Variants in CDKAL1 observed in about 807,000 individuals in gnomAD.
The protein encoded by CDKAL1 is threonylcarbamoyladenosine tRNA methylthiotransferase.
In CDKAL1, 32 loss-of-function variants were observed where a neutral mutation model predicts 68.2. The ratio of observed to expected loss-of-function variants is 0.47; its 90% CI spans 0.35 to 0.63. The LOEUF (loss-of-function observed/expected upper bound fraction) is 0.63. Ranked by LOEUF, CDKAL1 falls within the 30% of genes least tolerant of loss-of-function variation. The pLI, the probability that CDKAL1 is intolerant of heterozygous loss-of-function variation, is 0.00. For missense variants in CDKAL1, 606 were observed against 696.7 expected (o/e 0.87, Z 1.47); for synonymous variants, 234 against 244.3 (o/e 0.96, Z 0.39).
intron 11 of CDKAL1, among the ~76,000 whole-genome samples, chr6:21,022,340 T>G (rs1668016252): frequency 6.6e-6 from 1 of 152,230 alleles, no homozygotes; most frequent in African/African-American, 2.4e-5. Flanking sequence ...GAGTTAACTT[T>G]GAGCATTATT....
In CDKAL1 at chr6:20,583,061, A is replaced by AT. The variant is rs1019728873; in HGVS notation, c.286+34364dup. On this transcript the variant is annotated intron_variant, in intron 4 of 15. Transcript: ENST00000274695. ...AAAACAATTTCCTATTTTCTGAGGG[A>AT]TTTTTTTTGGGAAAAGTAAACTTTG... 5.9e-5 allele frequency among the ~76,000 whole-genome samples: 9 copies of AT among 151,912 alleles called. No homozygotes were observed. The East Asian group carries it at 7.7e-4, about 13-fold the overall frequency.
In CDKAL1 at chr6:20,917,202, A is replaced by G. The variant is rs527955439; in HGVS notation, c.743-38217A>G. Reference sequence around the variant, plus strand: ...CACCATGTTGGCCAGGCTGATCTTGAACTCCTGACCTCAGGTGATCCGCCC... The same window carrying G: ...CACCATGTTGGCCAGGCTGATCTTGGACTCCTGACCTCAGGTGATCCGCCC... On this transcript the variant is annotated intron_variant, in intron 9 of 15. Transcript: ENST00000274695. 4.2e-3 allele frequency among the ~76,000 whole-genome samples: 638 copies of G among 152,182 alleles called. 5 individuals carry two copies. The highest frequency in any genetic ancestry group is 0.015 in the African/African-American group (607 of 41,512).
intron 4 of CDKAL1, among the ~76,000 whole-genome samples, chr6:20,648,461 ACT>A (rs35746011): frequency 0.22 from 33,724 of 151,510 alleles, 4,024 homozygotes; most frequent in African/African-American, 0.27. Context: ...GTTACCAGAA[ACT>A]CTGATGTGCT....
chr6:20,720,747 A>G (rs1289999330), intron 5 of CDKAL1, among the ~76,000 whole-genome samples: 1 of 151,934 alleles, frequency 6.6e-6, no homozygotes, highest in African/African-American at 2.4e-5. Flanking sequence ...TGATCTGCCC[A>G]CCTCTGCCTC....
At chr6:20,931,439 C>T (rs923214404) in intron 9 of CDKAL1, among the ~76,000 whole-genome samples, 1 of 152,108 alleles carries the variant, frequency 6.6e-6, no homozygotes, top group African/African-American at 2.4e-5. Flanking sequence ...TGGTAAGAGG[C>T]AGAGTCAGGG....
At chr6:20,997,859 G>A (rs1767202698) in intron 10 of CDKAL1, among the ~76,000 whole-genome samples, 1 of 151,582 alleles carries the variant, frequency 6.6e-6, no homozygotes, top group Admixed American at 6.6e-5. Context: ...ATAAAATTGT[G>A]ATACAGGGAA....
chr6:20,670,227 G>A (rs1281626813), intron 5 of CDKAL1, among the ~76,000 whole-genome samples: 1 of 152,130 alleles, frequency 6.6e-6, no homozygotes, highest in Non-Finnish European at 1.5e-5. Flanking sequence ...TCCTTTTTGT[G>A]AAGTTCACTT....
chr6:20,983,773 C>T (rs1234549924), intron 10 of CDKAL1, among the ~76,000 whole-genome samples: 2 of 152,112 alleles, frequency 1.3e-5, no homozygotes, highest in East Asian at 1.9e-4. Flanking sequence ...GTATAATATA[C>T]ATAATACCTA....
intron 11 of CDKAL1, among the ~76,000 whole-genome samples, chr6:21,045,486 G>A (rs776564190): frequency 1.3e-5 from 2 of 152,094 alleles, no homozygotes; most frequent in African/African-American, 4.8e-5. Flanking sequence ...TTCTACTCCC[G>A]TGGGCACCTG....
At position 21,085,624 on chromosome 6, in the gene CDKAL1, G is replaced by A. The variant is rs565701546; in HGVS notation, c.1236+20396G>A. ...TATGAGATGTTTTTAGAAAGTGATC[G>A]CAGTACAGTTGTAAAATCCAGGGTT... On this transcript the variant is annotated intron_variant, in intron 12 of 15. Transcript: ENST00000274695. Among the ~76,000 whole-genome samples the A allele has an allele frequency of 9.9e-5, 15 of 152,254 alleles. No homozygotes were observed. In the South Asian group the frequency reaches 1.0e-3, roughly 11 times the overall value.
intron 12 of CDKAL1, among the ~76,000 whole-genome samples, chr6:21,079,511 C>T (rs1772262526): frequency 6.6e-6 from 1 of 152,116 alleles, no homozygotes; most frequent in Admixed American, 6.5e-5. Context: ...ATTCCAAGTC[C>T]CAGACTTAGT....
At chr6:20,822,487 C>T (rs921433657) in intron 8 of CDKAL1, among the ~76,000 whole-genome samples, 1 of 152,140 alleles carries the variant, frequency 6.6e-6, no homozygotes, top group Non-Finnish European at 1.5e-5. Context: ...GATAACAGTT[C>T]TTGAATCACA....
At chr6:20,962,838 T>C (rs2150739971) in intron 10 of CDKAL1, among the ~76,000 whole-genome samples, 1 of 152,314 alleles carries the variant, frequency 6.6e-6, no homozygotes, top group Non-Finnish European at 1.5e-5. Flanking sequence ...ACCATCCACC[T>C]GTAGCTTTTG....
intron 11 of CDKAL1, among the ~76,000 whole-genome samples, chr6:21,032,821 C>T (rs2150881033): frequency 6.6e-6 from 1 of 152,262 alleles, no homozygotes; most frequent in South Asian, 2.1e-4. Flanking sequence ...AGCAAAATCA[C>T]CTAATGACAC....
At chr6:21,113,485 A>T (rs1756549682) in intron 13 of CDKAL1, among the ~76,000 whole-genome samples, 2 of 151,928 alleles carry the variant, frequency 1.3e-5, no homozygotes, top group Admixed American at 1.3e-4. Flanking sequence ...ATCTCTACAA[A>T]AAAACGGGGT....
At chr6:20,857,923 G>A (rs769179669) in intron 9 of CDKAL1, among the ~76,000 whole-genome samples, 3 of 152,090 alleles carry the variant, frequency 2.0e-5, no homozygotes, top group East Asian at 1.9e-4. Context: ...GCAGTGGCGC[G>A]ATCTTGGCTC....
In CDKAL1 at chr6:20,992,031, C is replaced by CTTTTTTTTTTTTTTTTTT. The variant is rs71530401; in HGVS notation, c.910-8191_910-8174dup. On this transcript the variant is annotated intron_variant, in intron 10 of 15. Transcript: ENST00000274695. Reference sequence around the variant, plus strand: ...TTTCCCCCACCTTTTTTTTTCTTTTCTTTTTTTTTTTTTTTTTTTTTTGAG... The same window carrying CTTTTTTTTTTTTTTTTTT: ...TTTCCCCCACCTTTTTTTTTCTTTTCTTTTTTTTTTTTTTTTTTTTTTTTTTTTTTTTTTTTTTTTGAG... Among the ~76,000 whole-genome samples the CTTTTTTTTTTTTTTTTTT allele has an allele frequency of 2.2e-3, 225 of 100,456 alleles. 2 individuals carry two copies. The highest frequency in any genetic ancestry group is 2.9e-3 in the Non-Finnish European group (153 of 52,988). 65.9% of individuals were successfully genotyped at this position (100,456 alleles called of 152,430 possible).
At chr6:20,934,370 A>G (rs1324803724) in intron 9 of CDKAL1, among the ~76,000 whole-genome samples, 6 of 152,180 alleles carry the variant, frequency 3.9e-5, no homozygotes, top group African/African-American at 1.4e-4. Context: ...GGTGCCCAGC[A>G]CCTGGAGCTC....
intron 5 of CDKAL1, among the ~76,000 whole-genome samples, chr6:20,724,884 T>C (rs1184819544): frequency 6.6e-6 from 1 of 152,226 alleles, no homozygotes; most frequent in African/African-American, 2.4e-5. Context: ...ACCTTATCCC[T>C]TTAATTAAAT....
Sources: allele counts gnomAD v4.1 joint callset (sites outside exome capture counted in the v4.1 genomes callset), GRCh38; gene constraint gnomAD v4.1.1; transcripts MANE v1.5; gene names NCBI Gene and HGNC (gene_info 2026-07-23, HGNC 2026-07-21).